Variants in SLC26A11 observed in about 807,000 individuals in gnomAD.
SLC26A11 encodes the protein solute carrier family 26 member 11, also known as sodium-independent sulfate anion transporter.
In SLC26A11, 58 loss-of-function variants were observed where a neutral mutation model predicts 62.2. The ratio of observed to expected loss-of-function variants is 0.93; its 90% CI spans 0.76 to 1.16. SLC26A11 has a LOEUF of 1.16. SLC26A11 is among the 50% of genes most tolerant of loss of function. The probability of loss-of-function intolerance (pLI) is 0.00; values close to 1 mark genes in which losing one functional copy is unlikely to be tolerated. For missense variants in SLC26A11, 790 were observed against 794.3 expected (o/e 0.99, Z 0.06); for synonymous variants, 411 against 368.9 (o/e 1.11, Z -1.31).
At chr17:80,241,917 A>G in intron 10 of SLC26A11, 96 bp downstream of exon 10, 1 of 1,339,060 alleles carries the variant, frequency 7.5e-7, no homozygotes, top group Non-Finnish European at 1.1e-6. Flanking sequence ...GAAGACCATG[A>G]TGGTGGTGAT....
At chr17:80,249,389 A>G in intron 16 of SLC26A11, 102 bp downstream of exon 16, 1 of 1,482,362 alleles carries the variant, frequency 6.7e-7, no homozygotes, top group Non-Finnish European at 9.1e-7. Context: ...GTGATGCTGG[A>G]CGGCCCTTCG....
In SLC26A11 at chr17:80,223,672, C is replaced by G. The variant is rs2042288074; in HGVS notation, c.513+335C>G. ...TCTGTTCTCCCTGCACTGGGCACAC[C>G]CAGCAGGCCCCACCAGTCATGAGCA... On this transcript the variant is annotated intron_variant, in intron 5 of 17. Transcript: ENST00000361193. The surrounding 1 kb of genome is among the most constrained non-coding windows in gnomAD (Gnocchi z 4.6). 6.6e-6 allele frequency among the ~76,000 whole-genome samples: 1 copy of G among 152,148 alleles called. No individual in the cohort carries two copies. The highest frequency in any genetic ancestry group is 2.4e-5 in the African/African-American group (1 of 41,434).
At chr17:80,247,416 C>T (rs973538509) in intron 13 of SLC26A11, among the ~76,000 whole-genome samples, 18 of 152,066 alleles carry the variant, frequency 1.2e-4, no homozygotes, top group African/African-American at 2.9e-4. Flanking sequence ...CCAGTAGGGG[C>T]GGCCGGGCAG....
intron 8 of SLC26A11, 130 bp from the exon 9 acceptor site, chr17:80,237,392 C>A: frequency 1.1e-6 from 1 of 899,900 alleles, no homozygotes. Context: ...GACAAGGAGG[C>A]GGATCCTGCA....
rs73429464 is a variant in SLC26A11 at position 80,223,349 on chromosome 17, G to T, written c.513+12G>T. 1.9e-6 allele frequency: 3 copies of T among 1,613,346 alleles called. No individual in the cohort carries two copies. The East Asian group carries it at 6.7e-5, about 36-fold the overall frequency. ...TTGGACAGATCAAGGTAGGCACGGCGCCCACCCAGGGCACTGCTCTTTGGC... is the reference window on the plus strand; with the variant it reads ...TTGGACAGATCAAGGTAGGCACGGCTCCCACCCAGGGCACTGCTCTTTGGC... On this transcript the variant is annotated intron_variant, in intron 5 of 17. Transcript: ENST00000361193. This position sits in a 1 kb window ranked among gnomAD's most constrained non-coding sequence, Gnocchi z 4.6.
intron 16 of SLC26A11, 82 bp from the exon 17 acceptor site, chr17:80,251,245 CTG>C (rs1293127385): frequency 9.9e-6 from 16 of 1,612,788 alleles, no homozygotes; most frequent in Middle Eastern, 1.7e-4. Flanking sequence ...CCGGGAGACT[CTG>C]AGATGGCAGG....
intron 13 of SLC26A11, among the ~76,000 whole-genome samples, chr17:80,247,155 TG>T (rs2144973851): frequency 6.6e-6 from 1 of 152,050 alleles, no homozygotes; most frequent in South Asian, 2.1e-4. Flanking sequence ...AATATGGGGT[TG>T]GGGGTAAGGT....
rs1274695318 is a variant in SLC26A11, at chr17:80,222,796, C to T, written c.376C>T (p.Leu126=). Residue 126 remains leucine, a synonymous_variant, in exon 4 of 18, where the codon CTG becomes TTG. Transcript: ENST00000361193. This position sits in a 1 kb window ranked among gnomAD's most constrained non-coding sequence, Gnocchi z 4.7. ...CCATGAGCCCGCCTACGCTGTGCTG[C>T]TGGCCTTCCTGTCCGGCTGCATCCA... ...TFHEPAYAVL[L]AFLSGCIQLA... The T allele has an allele frequency of 2.3e-5, 37 of 1,614,106 alleles. 1 individual carries two copies. In the East Asian group the frequency reaches 8.0e-4, roughly 35 times the overall value.
intron 5 of SLC26A11, among the ~76,000 whole-genome samples, chr17:80,224,395 ATGAG>A (rs1462183331): frequency 8.7e-6 from 1 of 114,682 alleles, no homozygotes; most frequent in African/African-American, 3.4e-5. Context: ...GTGTGAGTGT[ATGAG>A]TGTGAGAGTG....
chr17:80,247,679 C>T (rs978906961), intron 13 of SLC26A11, among the ~76,000 whole-genome samples: 5 of 152,312 alleles, frequency 3.3e-5, no homozygotes, highest in East Asian at 1.9e-4. Flanking sequence ...ATGGGATGGC[C>T]GCTGCTGCTA....
chr17:80,245,509 C>T, intron 11 of SLC26A11: 1 of 490,518 alleles, frequency 2.0e-6, no homozygotes, highest in Non-Finnish European at 3.7e-6. Context: ...CCCATTTACT[C>T]TGGAGGCGGA....
At chr17:80,237,425 T>TA (rs2042728325) in intron 8 of SLC26A11, 97 bp from the exon 9 acceptor site, 11 of 1,163,412 alleles carry the variant, frequency 9.5e-6, no homozygotes, top group Non-Finnish European at 1.4e-5. Context: ...TTGCTCCTGT[T>TA]ACCTGTGGGG....
intron 16 of SLC26A11, among the ~76,000 whole-genome samples, chr17:80,250,227 G>T (rs1248472552): frequency 3.3e-5 from 5 of 152,214 alleles, no homozygotes; most frequent in Non-Finnish European, 2.9e-5. Context: ...GCGCCCAGAG[G>T]AGACATTCAT....
At position 80,223,521 on chromosome 17, in the gene SLC26A11, C is replaced by T. The variant is rs755648076; in HGVS notation, c.513+184C>T. Among the ~76,000 whole-genome samples, 12 of 152,130 alleles carry T rather than the reference C, an allele frequency of 7.9e-5. No homozygotes were observed. The highest frequency in any genetic ancestry group is 6.5e-4 in the Admixed American group (10 of 15,274). ...ATGGGTCCCCTGTTAATAAAATGAC[C>T]CTCCTGGGAGGGATGTCACGTGATG... On this transcript the variant is annotated intron_variant, in intron 5 of 17. Coordinates refer to ENST00000361193, the MANE Select transcript of SLC26A11 (RefSeq NM_001166347.2). This position sits in a 1 kb window ranked among gnomAD's most constrained non-coding sequence, Gnocchi z 4.6.
rs761583523 is a variant in SLC26A11, at chr17:80,222,883, G to A, written c.427+36G>A. ...ACCTTCTTGCCAAGGGGATGCCCTC[G>A]ACCTCAGCATTTGCTTGTTTGCATT... is the stretch of plus-strand genomic sequence containing the variant. On this transcript the variant is annotated intron_variant, in intron 4 of 17. Transcript: ENST00000361193. The surrounding 1 kb of genome is among the most constrained non-coding windows in gnomAD (Gnocchi z 4.7). 6.2e-7 allele frequency: 1 copy of A among 1,603,306 alleles called. No individual in the cohort carries two copies. The highest frequency in any genetic ancestry group is 1.3e-5 in the African/African-American group (1 of 74,496).
Position 80,222,891 on chromosome 17 carries a change from C to G in SLC26A11, c.427+44C>G. On this transcript the variant is annotated intron_variant, in intron 4 of 17. Transcript: ENST00000361193. The surrounding 1 kb of genome is among the most constrained non-coding windows in gnomAD (Gnocchi z 4.7). The stretch of plus-strand genomic sequence containing the variant: ...GCCAAGGGGATGCCCTCGACCTCAG[C>G]ATTTGCTTGTTTGCATTTCAAGTCT... 1 of 1,552,342 alleles carries G rather than the reference C, an allele frequency of 6.4e-7. No individual in the cohort carries two copies. The highest frequency in any genetic ancestry group is 8.8e-7 in the Non-Finnish European group (1 of 1,142,644).
chr17:80,228,191 G>A lies in SLC26A11; in HGVS notation c.736+231G>A, dbSNP rs1427895111. On this transcript the variant is annotated intron_variant, in intron 7 of 17. Coordinates refer to ENST00000361193, the MANE Select transcript of SLC26A11 (RefSeq NM_001166347.2). The surrounding 1 kb of genome is among the most constrained non-coding windows in gnomAD (Gnocchi z 4.1). ...TCTGTCGCCCAGGCTGGAGTACAGTGGTGTGATATTGGCTCACTGCAACCT... is the reference window on the plus strand; with the variant it reads ...TCTGTCGCCCAGGCTGGAGTACAGTAGTGTGATATTGGCTCACTGCAACCT... Among the ~76,000 whole-genome samples the A allele has an allele frequency of 1.3e-5, 2 of 152,154 alleles. No individual in the cohort carries two copies. Among genetic ancestry groups the A allele is most frequent in the African/African-American group, 4.8e-5 (2 of 41,422 alleles).
chr17:80,222,773 A>C lies in SLC26A11; in HGVS notation c.353A>C (p.His118Pro). 1 of 1,613,998 alleles carries C rather than the reference A, an allele frequency of 6.2e-7. No homozygotes were observed. The highest frequency in any genetic ancestry group is 8.5e-7 in the Non-Finnish European group (1 of 1,179,978). Reference sequence around the variant, plus strand: ...CTCCTGGTCTCCTTCTACACCTTCCATGAGCCCGCCTACGCTGTGCTGCTG... The same window carrying C: ...CTCCTGGTCTCCTTCTACACCTTCCCTGAGCCCGCCTACGCTGTGCTGCTG... ...MSLLVSFYTF[H>P]EPAYAVLLAF... Residue 118 changes from histidine (H) to proline (P), a missense_variant, in exon 4 of 18, where the codon CAT becomes CCT. Transcript: ENST00000361193. This position sits in a 1 kb window ranked among gnomAD's most constrained non-coding sequence, Gnocchi z 4.7.
chr17:80,222,505 T>G lies in SLC26A11; in HGVS notation c.235-150T>G. 1.3e-6 allele frequency: 1 copy of G among 771,054 alleles called. No homozygotes were observed. Among genetic ancestry groups the G allele is most frequent in the Non-Finnish European group, 2.1e-6 (1 of 481,226 alleles). 47.8% of individuals were successfully genotyped at this position (771,054 alleles called of 1,614,324 possible). A position where few individuals can be genotyped will look rare whatever the true frequency, so the allele number is the denominator to read the frequency against. Reference sequence around the variant, plus strand: ...GCTAAAAAAGTGGCCTCCTGATCACTGCAGGTCCACCCACAGGGCAGGGCG... The same window carrying G: ...GCTAAAAAAGTGGCCTCCTGATCACGGCAGGTCCACCCACAGGGCAGGGCG... On this transcript the variant is annotated intron_variant, in intron 3 of 17. Transcript: ENST00000361193. This position sits in a 1 kb window ranked among gnomAD's most constrained non-coding sequence, Gnocchi z 4.7.
Sources: gnomAD v4.1 joint callset for allele counts (sites outside exome capture counted in the v4.1 genomes callset) on GRCh38, gnomAD v4.1.1 for gene constraint, Gnocchi (gnomAD v3.1) non-coding constraint, MANE v1.5 for transcripts, NCBI Gene and HGNC (gene_info 2026-07-23, HGNC 2026-07-21) for gene names.